The following ANKMY2 variants were observed in gnomAD, a reference collection of about 807,000 sequenced individuals.
The protein encoded by ANKMY2 is ankyrin repeat and MYND domain-containing protein 2.
Under a neutral mutation model 50.4 loss-of-function variants are expected in ANKMY2, and 36 were observed. The ratio of observed to expected loss-of-function variants is 0.71; its 90% CI spans 0.55 to 0.94. The LOEUF is 0.94. Among genes scored for constraint, ANKMY2 ranks in the 40% least tolerant of loss-of-function variants. ANKMY2 has a pLI of 0.00. For missense variants in ANKMY2, 565 were observed against 524.0 expected, an observed-to-expected ratio of 1.08 and a Z score of -0.76; for synonymous variants, 187 against 178.8, an observed-to-expected ratio of 1.05 and a Z score of -0.36.
intron 8 of ANKMY2, among the ~76,000 whole-genome samples, chr7:16,604,424 G>A (rs1051029399): frequency 6.7e-6 from 1 of 148,804 alleles, no homozygotes; most frequent in African/African-American, 2.4e-5. Flanking sequence ...CGTGCCCCAC[G>A]GAAAACCTTT....
chr7:16,601,414 G>C (rs749667607), intron 9 of ANKMY2, among the ~76,000 whole-genome samples: 9 of 152,166 alleles, frequency 5.9e-5, no homozygotes, highest in Non-Finnish European at 1.0e-4. Context: ...TTAACAACTG[G>C]GAGTGCCCAT....
chr7:16,621,182 T>G (rs998269578), intron 4 of ANKMY2, among the ~76,000 whole-genome samples: 2 of 152,126 alleles, frequency 1.3e-5, no homozygotes, highest in East Asian at 3.8e-4. Context: ...TGGAAGTGAC[T>G]GAGTGTGGAG....
intron 7 of ANKMY2, among the ~76,000 whole-genome samples, chr7:16,608,677 G>C (rs1781197999): frequency 6.6e-6 from 1 of 152,126 alleles, no homozygotes; most frequent in Non-Finnish European, 1.5e-5. Context: ...GCATGAATGG[G>C]TATAGATAGG....
intron 4 of ANKMY2, among the ~76,000 whole-genome samples, chr7:16,620,786 ATATGTT>A (rs1187520922): frequency 1.3e-5 from 2 of 152,210 alleles, no homozygotes; most frequent in African/African-American, 4.8e-5. Context: ...GAACCCACCT[ATATGTT>A]TATAAGTTAT....
At chr7:16,628,385 C>T (rs11761720) in intron 2 of ANKMY2, among the ~76,000 whole-genome samples, 47,352 of 151,874 alleles carry the variant, frequency 0.31, 8,561 homozygotes, top group Non-Finnish European at 0.39. Flanking sequence ...TTCAGTTGCA[C>T]AAGAGGCAAC....
intron 4 of ANKMY2, among the ~76,000 whole-genome samples, chr7:16,616,863 T>A (rs1476244213): frequency 6.6e-6 from 1 of 152,206 alleles, no homozygotes; most frequent in Non-Finnish European, 1.5e-5. Flanking sequence ...GCCTGCTTGA[T>A]CCTGCCGACA....
rs538113378 is a variant in ANKMY2 at position 16,606,165 on chromosome 7, T to C, written c.883-1316A>G. 4.4e-4 allele frequency among the ~76,000 whole-genome samples: 67 copies of C among 151,110 alleles called. No homozygotes were observed. In the East Asian group the frequency reaches 0.011, roughly 25 times the overall value. ...ATTATAAGGGGCTGGGTGTGGTGGC[T>C]AGCGCCTGTAATCCCAGTACTGTGC... On this transcript the variant is annotated intron_variant, in intron 7 of 9. Coordinates refer to ENST00000306999, the MANE Select transcript of ANKMY2 (RefSeq NM_020319.3).
rs1412132682 is a variant in ANKMY2, at chr7:16,599,946, C to T, written c.*815G>A. 1 of 152,190 alleles carries T rather than the reference C, an allele frequency of 6.6e-6. No individual in the cohort carries two copies. Among genetic ancestry groups the T allele is most frequent in the Admixed American group, 6.5e-5 (1 of 15,284 alleles). The allele number at this position is 152,190 out of a possible 1,614,324, so 9.4% of individuals were successfully genotyped here. A position where few individuals can be genotyped will look rare whatever the true frequency, so the allele number is the denominator to read the frequency against. ...CAAATCAGTTTCTGGAAAGGAAGTG[C>T]TCCATGAAAAGCTTATAGCAAGATA... On this transcript the variant is annotated 3_prime_UTR_variant, in exon 10 of 10. Transcript: ENST00000306999.
In ANKMY2 at chr7:16,644,391, T is replaced by A. The variant is rs555734160; in HGVS notation, c.67+1116A>T. ...CGGGTGGGCTCAGCTCATCAGCACC[T>A]GTTGAGTTCAAACCGGAATTTTTTC... On this transcript the variant is annotated intron_variant, in intron 1 of 9. Transcript: ENST00000306999. Among the ~76,000 whole-genome samples, 6 of 152,336 alleles carry A rather than the reference T, an allele frequency of 3.9e-5. No individual in the cohort carries two copies. The East Asian group carries it at 1.2e-3, about 29-fold the overall frequency.
At chr7:16,630,384 C>T (rs117175059) in intron 2 of ANKMY2, among the ~76,000 whole-genome samples, 1,907 of 152,274 alleles carry the variant, frequency 0.013, 24 homozygotes, top group Non-Finnish European at 0.02. Flanking sequence ...ATCCTCACGT[C>T]CTTGTCATTT....
At chr7:16,642,566 C>T (rs1781760448) in intron 1 of ANKMY2, among the ~76,000 whole-genome samples, 1 of 151,552 alleles carries the variant, frequency 6.6e-6, no homozygotes, top group South Asian at 2.1e-4. Flanking sequence ...AGATGCCAGG[C>T]TAGACTTTGC....
Position 16,645,654 on chromosome 7 carries a change from C to A in ANKMY2, c.-81G>T. ...GATGCGTCTGTATTGGGAACGCCAGCCGCAATGAGGCAACTTGAGACCAAG... is the reference window on the plus strand; with the variant it reads ...GATGCGTCTGTATTGGGAACGCCAGACGCAATGAGGCAACTTGAGACCAAG... On this transcript the variant is annotated 5_prime_UTR_variant, in exon 1 of 10. Transcript: ENST00000306999. 1 of 1,473,828 alleles carries A rather than the reference C, an allele frequency of 6.8e-7. No homozygotes were observed. Among genetic ancestry groups the A allele is most frequent in the South Asian group, 1.3e-5 (1 of 79,534 alleles). 91.3% of individuals were successfully genotyped at this position (1,473,828 alleles called of 1,614,324 possible). A position where few individuals can be genotyped will look rare whatever the true frequency, so the allele number is the denominator to read the frequency against.
At chr7:16,604,003 T>A (rs1379231160) in intron 8 of ANKMY2, among the ~76,000 whole-genome samples, 1 of 152,364 alleles carries the variant, frequency 6.6e-6, no homozygotes, top group African/African-American at 2.4e-5. Flanking sequence ...TGGAATTTCA[T>A]TTAATTCAGG....
chr7:16,645,460 C>CCCCCGGCCAGGCTGG, intron 1 of ANKMY2, 47 bp downstream of exon 1: 1 of 1,563,998 alleles, frequency 6.4e-7, no homozygotes, highest in Non-Finnish European at 8.6e-7. Context: ...TCCGCCACGC[C>CCCCCGGCCAGGCTGG]CCCCGGCCAG....
At chr7:16,638,304 G>C (rs937693110) in intron 1 of ANKMY2, among the ~76,000 whole-genome samples, 17 of 152,204 alleles carry the variant, frequency 1.1e-4, no homozygotes, top group Non-Finnish European at 2.4e-4. Context: ...CTGTACTTCT[G>C]ACTGGCTATA....
intron 2 of ANKMY2, among the ~76,000 whole-genome samples, chr7:16,627,646 G>A (rs929880886): frequency 6.6e-6 from 1 of 152,262 alleles, no homozygotes; most frequent in Admixed American, 6.5e-5. Flanking sequence ...CTACTGAACT[G>A]GAACATTTTT....
intron 4 of ANKMY2, among the ~76,000 whole-genome samples, chr7:16,618,577 G>A (rs1265793025): frequency 6.6e-6 from 1 of 151,994 alleles, no homozygotes; most frequent in African/African-American, 2.4e-5. Flanking sequence ...TTCTTTTTGG[G>A]GGGATTCGGG....
chr7:16,639,273 T>A (rs965805670), intron 1 of ANKMY2, among the ~76,000 whole-genome samples: 1 of 152,234 alleles, frequency 6.6e-6, no homozygotes, highest in African/African-American at 2.4e-5. Context: ...GTGTAAAAGA[T>A]TAATTGCTTT....
chr7:16,630,634 G>C (rs1191448371), intron 2 of ANKMY2, among the ~76,000 whole-genome samples: 1 of 152,098 alleles, frequency 6.6e-6, no homozygotes, highest in Non-Finnish European at 1.5e-5. Flanking sequence ...ATACATTGGA[G>C]GTAGCAATAA....
Sources: gnomAD v4.1 joint callset for allele counts (sites outside exome capture counted in the v4.1 genomes callset) on GRCh38, gnomAD v4.1.1 for gene constraint, MANE v1.5 for transcripts, NCBI Gene and HGNC (gene_info 2026-07-23, HGNC 2026-07-21) for gene names.